Variants in GPHN observed in about 807,000 individuals in gnomAD.
GPHN encodes gephyrin.
Under a neutral mutation model 95.5 loss-of-function variants are expected in GPHN, and 17 were observed. That is an observed-to-expected ratio of 0.18 (90% CI 0.12 to 0.27). The LOEUF (loss-of-function observed/expected upper bound fraction) is 0.27. Among genes scored for constraint, GPHN ranks in the 10% least tolerant of loss-of-function variants. GPHN has a pLI of 1.00. For synonymous variants in GPHN, 320 were observed against 322.5 expected, an observed-to-expected ratio of 0.99 and a Z score of 0.08; for missense variants, 660 against 978.1, an observed-to-expected ratio of 0.67 and a Z score of 4.34.
chr14:66,951,571 A>G (rs1455388842), intron 8 of GPHN, among the ~76,000 whole-genome samples: 4 of 151,970 alleles, frequency 2.6e-5, no homozygotes, highest in Non-Finnish European at 4.4e-5. Context: ...TCTAAAATTT[A>G]TATAGATAGA....
the GPHN span, among the ~76,000 whole-genome samples, chr14:67,476,282 G>A: frequency 6.6e-6 from 1 of 152,164 alleles, no homozygotes; most frequent in Admixed American, 6.5e-5. Context: ...ATTTTGTCAT[G>A]GTTCTTACAT....
At chr14:66,860,340 A>G (rs2062976395) in intron 4 of GPHN, among the ~76,000 whole-genome samples, 1 of 152,132 alleles carries the variant, frequency 6.6e-6, no homozygotes. Flanking sequence ...GTGCTGAAGG[A>G]AAAAAGTTTT....
At chr14:67,015,875 G>A (rs2073281526) in intron 9 of GPHN, among the ~76,000 whole-genome samples, 1 of 152,108 alleles carries the variant, frequency 6.6e-6, no homozygotes, top group Admixed American at 6.5e-5. Flanking sequence ...TGTGATTACT[G>A]TTAAATGATT....
the GPHN span, among the ~76,000 whole-genome samples, chr14:67,485,248 C>T: frequency 2.6e-5 from 4 of 152,202 alleles, no homozygotes; most frequent in Admixed American, 1.3e-4. Flanking sequence ...CACAGAGGCA[C>T]CCATGGCCAT....
chr14:66,835,919 A>G (rs1372660540), intron 4 of GPHN, among the ~76,000 whole-genome samples: 1 of 148,810 alleles, frequency 6.7e-6, no homozygotes, highest in Non-Finnish European at 1.5e-5. Context: ...AGAACTACAA[A>G]CCACTGCTCA....
At chr14:67,149,785 G>C (rs943089009) in intron 18 of GPHN, among the ~76,000 whole-genome samples, 2 of 152,068 alleles carry the variant, frequency 1.3e-5, no homozygotes, top group Non-Finnish European at 2.9e-5. Context: ...TAAACACAAA[G>C]AACACAACTT....
At chr14:67,101,648 G>A (rs2077701679) in intron 13 of GPHN, among the ~76,000 whole-genome samples, 1 of 151,352 alleles carries the variant, frequency 6.6e-6, no homozygotes, top group Non-Finnish European at 1.5e-5. Context: ...TTTCTTCAAA[G>A]TAGAAAAAAA....
At chr14:66,841,877 G>A (rs978184859) in intron 4 of GPHN, among the ~76,000 whole-genome samples, 1 of 151,818 alleles carries the variant, frequency 6.6e-6, no homozygotes, top group Non-Finnish European at 1.5e-5. Flanking sequence ...CCTGTCTCTA[G>A]TAAAAAAGAA....
intron 9 of GPHN, among the ~76,000 whole-genome samples, chr14:67,005,727 G>T (rs2072560179): frequency 6.6e-6 from 1 of 151,804 alleles, no homozygotes; most frequent in African/African-American, 2.4e-5. Flanking sequence ...ATGTGTTTTT[G>T]CATCACTTTC....
intron 2 of GPHN, among the ~76,000 whole-genome samples, chr14:66,756,160 A>G (rs1317667784): frequency 6.6e-6 from 1 of 152,212 alleles, no homozygotes; most frequent in Non-Finnish European, 1.5e-5. Flanking sequence ...TGCCCTACAA[A>G]TTAACTTTAA....
At chr14:67,159,579 A>G (rs905851181) in intron 19 of GPHN, 91 bp downstream of exon 19, 6 of 792,072 alleles carry the variant, frequency 7.6e-6, no homozygotes, top group African/African-American at 6.8e-5. Context: ...TACATTTCCT[A>G]TTATGAATTA....
the GPHN span, chr14:67,584,124 G>A: frequency 6.2e-7 from 1 of 1,612,914 alleles, no homozygotes. Context: ...TTGCTGCTCA[G>A]GTAAGTGCCA....
At chr14:67,021,082 A>G (rs902569981) in intron 9 of GPHN, among the ~76,000 whole-genome samples, 5 of 152,158 alleles carry the variant, frequency 3.3e-5, no homozygotes, top group African/African-American at 7.2e-5. Context: ...TTGAAATTGT[A>G]TAAAATTAAG....
At chr14:67,592,140 A>T in the GPHN span, 2 of 180,332 alleles carry the variant, frequency 1.1e-5, no homozygotes, top group Non-Finnish European at 2.4e-5. Flanking sequence ...TGTGTTCTTT[A>T]AAATGTGCAT....
the GPHN span, among the ~76,000 whole-genome samples, chr14:67,221,006 T>C: frequency 6.6e-6 from 1 of 152,210 alleles, no homozygotes; most frequent in African/African-American, 2.4e-5. Context: ...AAATACTTAT[T>C]GAAAATGTGT....
chr14:67,076,064 A>G (rs569950289), intron 11 of GPHN, among the ~76,000 whole-genome samples: 1 of 152,296 alleles, frequency 6.6e-6, no homozygotes, highest in South Asian at 2.1e-4. Flanking sequence ...CATGAAGGAA[A>G]GAGTCAATCA....
intron 11 of GPHN, among the ~76,000 whole-genome samples, chr14:67,087,288 T>A (rs1026357042): frequency 6.9e-5 from 10 of 145,782 alleles, no homozygotes; most frequent in Admixed American, 4.8e-4. Context: ...GATGTATAGC[T>A]TACATTTTGA....
chr14:67,646,557 A>G, the GPHN span: 3 of 1,047,556 alleles, frequency 2.9e-6, no homozygotes, highest in Admixed American at 1.9e-5. Flanking sequence ...AGAAGAAAGC[A>G]GATTGCATAC....
chr14:67,678,307 A>C, the GPHN span: 1 of 1,553,170 alleles, frequency 6.4e-7, no homozygotes, highest in Admixed American at 1.7e-5. Flanking sequence ...CTTGGGTCCA[A>C]CTGGCACTGC....
Sources: allele counts gnomAD v4.1 joint callset (sites outside exome capture counted in the v4.1 genomes callset), GRCh38; gene constraint gnomAD v4.1.1; transcripts MANE v1.5; gene names NCBI Gene and HGNC (gene_info 2026-07-23, HGNC 2026-07-21).